APPL2: variants seen among roughly 807,000 people sequenced by gnomAD.
APPL2 encodes the protein adaptor protein, phosphotyrosine interacting with PH domain and leucine zipper 2, also known as DCC-interacting protein 13-beta.
APPL2 carries 84 observed loss-of-function variants against 92.7 expected under a neutral mutation model. That is an observed-to-expected ratio of 0.91 (90% confidence interval 0.76 to 1.09). APPL2 has a LOEUF of 1.09. Among genes scored for constraint, APPL2 ranks in the 50% least tolerant of loss-of-function variants. The probability of loss-of-function intolerance (pLI) is 0.00; values close to 1 mark genes in which losing one functional copy is unlikely to be tolerated. For synonymous variants in APPL2, 291 were observed against 291.0 expected (o/e 1.00, Z 0.00); for missense variants, 736 against 824.5 (o/e 0.89, Z 1.31).
At chr12:105,193,574 C>T (rs1887405489) in intron 14 of APPL2, among the ~76,000 whole-genome samples, 1 of 152,212 alleles carries the variant, frequency 6.6e-6, no homozygotes, top group African/African-American at 2.4e-5. Context: ...GGGATTAACC[C>T]TCGCTGACTG....
intron 2 of APPL2, among the ~76,000 whole-genome samples, chr12:105,223,787 C>T (rs898214069): frequency 2.0e-5 from 3 of 152,180 alleles, no homozygotes; most frequent in Admixed American, 1.3e-4. Flanking sequence ...AAACAGAAGA[C>T]GGTTCTGTTC....
In APPL2 at chr12:105,188,406, A is replaced by G; in HGVS notation, c.1501T>C (p.Ser501Pro). 6.2e-7 allele frequency: 1 copy of G among 1,614,152 alleles called. No individual in the cohort carries two copies. Among genetic ancestry groups the G allele is most frequent in the African/African-American group, 1.3e-5 (1 of 75,056 alleles). Residue 501 changes from serine (S) to proline (P), a missense_variant, in exon 17 of 21, where the codon TCA becomes CCA. Ser to Pro is a moderately conservative substitution (Grantham distance 74). Transcript: ENST00000258530. Reference sequence around the variant, plus strand: ...GTGCTGTCTGTTTTAACTGCCATTGATCCCAAAAACCGAACTATAAACATC... The same window carrying G: ...GTGCTGTCTGTTTTAACTGCCATTGGTCCCAAAAACCGAACTATAAACATC... ...QQMFIVRFLGSMAVKTDSTTE... is the reference protein window; with the variant it reads ...QQMFIVRFLGPMAVKTDSTTE...
At chr12:105,190,558 A>G (rs2135942200) in intron 14 of APPL2, among the ~76,000 whole-genome samples, 1 of 152,256 alleles carries the variant, frequency 6.6e-6, no homozygotes. Context: ...AATTTCCCCA[A>G]AAGCCTCCCT....
chr12:105,185,043 T>C (rs1175243095), intron 17 of APPL2, among the ~76,000 whole-genome samples: 1 of 152,170 alleles, frequency 6.6e-6, no homozygotes, highest in African/African-American at 2.4e-5. Context: ...TCCTGATGGC[T>C]TTCTTTACAC....
At chr12:105,219,299 G>T (rs1217786977) in intron 2 of APPL2, among the ~76,000 whole-genome samples, 2 of 152,062 alleles carry the variant, frequency 1.3e-5, no homozygotes, top group Non-Finnish European at 2.9e-5. Flanking sequence ...TTCCTGCTCT[G>T]CCCTAAGGAA....
chr12:105,233,775 A>C (rs1273449107), intron 1 of APPL2, among the ~76,000 whole-genome samples: 1 of 152,236 alleles, frequency 6.6e-6, no homozygotes, highest in Non-Finnish European at 1.5e-5. Context: ...TAAGCAAATT[A>C]CTTCTCTGCT....
At chr12:105,181,581 A>C (rs1886118913) in intron 17 of APPL2, among the ~76,000 whole-genome samples, 1 of 152,156 alleles carries the variant, frequency 6.6e-6, no homozygotes, top group South Asian at 2.1e-4. Flanking sequence ...CTGTGAATCC[A>C]TCTGGTCCTG....
intron 4 of APPL2, among the ~76,000 whole-genome samples, chr12:105,212,583 C>T (rs367609483): frequency 3.9e-5 from 6 of 152,192 alleles, no homozygotes; most frequent in African/African-American, 9.6e-5. Context: ...TTTATGCTCA[C>T]GTTTGGGAAT....
intron 10 of APPL2, 45 bp downstream of exon 10, chr12:105,199,328 G>C: frequency 6.3e-7 from 1 of 1,591,428 alleles, no homozygotes; most frequent in African/African-American, 1.4e-5. Flanking sequence ...CCACCTCTTA[G>C]GGAAAACGGA....
At chr12:105,184,364 T>C (rs2135914552) in intron 17 of APPL2, among the ~76,000 whole-genome samples, 1 of 152,362 alleles carries the variant, frequency 6.6e-6, no homozygotes, top group South Asian at 2.1e-4. Context: ...ATTTTCAGCC[T>C]TTCTGTGCTG....
intron 8 of APPL2, 128 bp downstream of exon 8, chr12:105,206,933 C>T (rs1299840947): frequency 1.6e-6 from 2 of 1,268,728 alleles, no homozygotes; most frequent in South Asian, 1.6e-5. Flanking sequence ...CTGAATCCCA[C>T]AAAGTAGCCA....
chr12:105,194,827 A>T (rs2135956630), intron 14 of APPL2, among the ~76,000 whole-genome samples: 1 of 152,324 alleles, frequency 6.6e-6, no homozygotes, highest in South Asian at 2.1e-4. Context: ...ATGTACATAT[A>T]AAACTATCAC....
At chr12:105,179,689 T>C (rs909848510) in intron 17 of APPL2, among the ~76,000 whole-genome samples, 3 of 152,244 alleles carry the variant, frequency 2.0e-5, no homozygotes. Context: ...TGGTGTGAGA[T>C]GGTATCTCAT....
chr12:105,235,770 C>A (rs1435427120), intron 1 of APPL2, among the ~76,000 whole-genome samples, 189 bp downstream of exon 1: 1 of 152,114 alleles, frequency 6.6e-6, no homozygotes, highest in Admixed American at 6.5e-5. Context: ...CACAGCTCTG[C>A]CCCGGCTCAG....
At chr12:105,189,723 T>G in intron 16 of APPL2, 49 bp downstream of exon 16, 1 of 1,557,112 alleles carries the variant, frequency 6.4e-7, no homozygotes, top group South Asian at 1.1e-5. Context: ...CAATGGCCGT[T>G]GTCATTTTGT....
chr12:105,218,321 T>C (rs1889849734), intron 2 of APPL2, among the ~76,000 whole-genome samples: 1 of 152,168 alleles, frequency 6.6e-6, no homozygotes, highest in Non-Finnish European at 1.5e-5. Flanking sequence ...AGTCAGTCCA[T>C]AAAGAAATGT....
intron 20 of APPL2, among the ~76,000 whole-genome samples, chr12:105,175,787 C>G (rs1885479010): frequency 6.6e-6 from 1 of 152,014 alleles, no homozygotes; most frequent in Non-Finnish European, 1.5e-5. Flanking sequence ...GAAATCTAGC[C>G]AACTAGTATG....
At chr12:105,178,816 T>C (rs772889668) in intron 17 of APPL2, among the ~76,000 whole-genome samples, 2 of 152,212 alleles carry the variant, frequency 1.3e-5, no homozygotes, top group Non-Finnish European at 2.9e-5. Context: ...ACGTCCCTAT[T>C]AATGGGCATG....
intron 2 of APPL2, among the ~76,000 whole-genome samples, chr12:105,218,299 C>A (rs181304299): frequency 6.6e-6 from 1 of 151,542 alleles, no homozygotes; most frequent in East Asian, 1.9e-4. Flanking sequence ...CAAATGACTG[C>A]TCCTTCTGGT....
Sources: gnomAD v4.1 joint callset for allele counts (sites outside exome capture counted in the v4.1 genomes callset) on GRCh38, gnomAD v4.1.1 for gene constraint, MANE v1.5 for transcripts, NCBI Gene and HGNC (gene_info 2026-07-23, HGNC 2026-07-21) for gene names.